Variants in ATP6V0D1 observed in about 807,000 individuals in gnomAD.
The protein encoded by ATP6V0D1 is ATPase H+ transporting V0 subunit d1, also known as V-type proton ATPase subunit d 1.
A neutral mutation model predicts 39.0 loss-of-function variants in ATP6V0D1; 13 were observed. That is an observed-to-expected ratio of 0.33 (90% CI 0.22 to 0.53). ATP6V0D1 has a LOEUF of 0.53. ATP6V0D1 is among the 20% of genes least tolerant of loss of function. The pLI is 0.94. For synonymous variants in ATP6V0D1, 191 were observed against 191.2 expected, an observed-to-expected ratio of 1.00 and a Z score of 0.01; for missense variants, 272 against 470.9, an observed-to-expected ratio of 0.58 and a Z score of 3.91.
rs755890817 is a variant in ATP6V0D1 at position 67,453,660 on chromosome 16, T to C, written c.186A>G (p.Ala62=). The C allele has an allele frequency of 3.7e-6, 6 of 1,614,200 alleles. No individual in the cohort carries two copies. Among genetic ancestry groups the C allele is most frequent in the South Asian group, 1.1e-5 (1 of 91,086 alleles). ...CGATGACTGACACCGTCAGAGGTGA[T>C]GCCTCGTTGGCCAGGAAGTTACCAT... ...TDYGNFLANE[A]SPLTVSVIDD... is the part of the protein sequence containing the mutation. The change falls in exon 2 of 8, where the codon GCA becomes GCG. Residue 62 remains alanine (A), a synonymous_variant. Transcript: ENST00000290949. This position sits in a 1 kb window ranked among gnomAD's most constrained non-coding sequence, Gnocchi z 4.1.
chr16:67,458,060 G>A lies in ATP6V0D1; in HGVS notation c.131-4345C>T, dbSNP rs1030408439. Among the ~76,000 whole-genome samples the A allele has an allele frequency of 2.0e-5, 3 of 152,188 alleles. No individual in the cohort carries two copies. In the South Asian group the frequency reaches 6.2e-4, roughly 32 times the overall value. On this transcript the variant is annotated intron_variant, in intron 1 of 7. Coordinates refer to ENST00000290949, the MANE Select transcript of ATP6V0D1 (RefSeq NM_004691.5). ...GGGACAGCCTGCCAGCCAAGAAGGCGACTTAGAGAAGGAGGCCTGCTGAAC... is the reference window on the plus strand; with the variant it reads ...GGGACAGCCTGCCAGCCAAGAAGGCAACTTAGAGAAGGAGGCCTGCTGAAC...
At chr16:67,472,292 C>G (rs1330302906) in intron 1 of ATP6V0D1, among the ~76,000 whole-genome samples, 1 of 152,212 alleles carries the variant, frequency 6.6e-6, no homozygotes, top group Non-Finnish European at 1.5e-5. Flanking sequence ...GGTCCAGGCT[C>G]TCACAACTCA....
intron 1 of ATP6V0D1, chr16:67,454,578 T>TA (rs2041218669): frequency 6.6e-6 from 1 of 151,834 alleles, no homozygotes; most frequent in Non-Finnish European, 1.5e-5. Context: ...TTTTTTTTTT[T>TA]AGAGATGGCA....
At chr16:67,460,339 G>A (rs1216955088) in intron 1 of ATP6V0D1, among the ~76,000 whole-genome samples, 6 of 152,194 alleles carry the variant, frequency 3.9e-5, no homozygotes, top group Admixed American at 1.3e-4. Context: ...GCCCCTCCTC[G>A]GTGAATGTGC....
At chr16:67,468,644 A>G (rs572628797) in intron 1 of ATP6V0D1, among the ~76,000 whole-genome samples, 6 of 152,208 alleles carry the variant, frequency 3.9e-5, no homozygotes, top group Non-Finnish European at 8.8e-5. Context: ...AAAGGAAGCA[A>G]GCAAGCAGGG....
At chr16:67,458,389 C>A (rs2041260113) in intron 1 of ATP6V0D1, among the ~76,000 whole-genome samples, 1 of 152,228 alleles carries the variant, frequency 6.6e-6, no homozygotes, top group African/African-American at 2.4e-5. Context: ...CTGGCCCAGC[C>A]TCTGAGGGCA....
chr16:67,455,935 T>C (rs2041233066), intron 1 of ATP6V0D1: 1 of 152,154 alleles, frequency 6.6e-6, no homozygotes, highest in Non-Finnish European at 1.5e-5. Context: ...TATTTCTACC[T>C]CTAGAAATGG....
Position 67,439,204 on chromosome 16 carries a change from T to A in ATP6V0D1, c.640-57A>T, listed in dbSNP as rs935798947. 3 of 1,613,528 alleles carry A rather than the reference T, an allele frequency of 1.9e-6. No homozygotes were observed. The Admixed American group carries it at 5.0e-5, about 27-fold the overall frequency. ...GGAGGAAGAAGGAGGCAGTAGCCAG[T>A]CAGTTGGCAGAGCCTCCCCAGGCCA... On this transcript the variant is annotated intron_variant, in intron 5 of 7. Coordinates refer to ENST00000290949, the MANE Select transcript of ATP6V0D1 (RefSeq NM_004691.5).
chr16:67,474,728 T>C (rs1410449443), intron 1 of ATP6V0D1, among the ~76,000 whole-genome samples: 1 of 152,152 alleles, frequency 6.6e-6, no homozygotes, highest in African/African-American at 2.4e-5. Context: ...CACCGCTATC[T>C]CAATTTCCCA....
At chr16:67,441,417 C>T (rs1373093361) in intron 4 of ATP6V0D1, 3 of 152,312 alleles carry the variant, frequency 2.0e-5, no homozygotes, top group African/African-American at 7.2e-5. Flanking sequence ...GAGCTAGTGC[C>T]TGGGCAGCCC....
At chr16:67,480,167 C>G (rs1435837341) in intron 1 of ATP6V0D1, among the ~76,000 whole-genome samples, 1 of 102,652 alleles carries the variant, frequency 9.7e-6, no homozygotes, top group Admixed American at 8.5e-5. Context: ...CCACTGCACT[C>G]CAGCCTGGGC....
intron 5 of ATP6V0D1, 21 bp from the exon 6 acceptor site, chr16:67,439,168 TAAGAAGAGAGGGAGG>T: frequency 6.2e-7 from 1 of 1,613,388 alleles, no homozygotes; most frequent in Non-Finnish European, 8.5e-7. Context: ...AGTGCACAGG[TAAGAAGAGAGGGAGG>T]AAGAAGGAGG....
chr16:67,452,377 T>C, intron 2 of ATP6V0D1: 1 of 1,535,624 alleles, frequency 6.5e-7, no homozygotes, highest in East Asian at 2.4e-5. Context: ...ATGGAGCCCT[T>C]TGGCTGCAGC....
intron 1 of ATP6V0D1, chr16:67,457,422 G>A (rs534890047): frequency 1.7e-5 from 8 of 462,544 alleles, no homozygotes; most frequent in East Asian, 1.4e-4. Flanking sequence ...CCTTGACCCA[G>A]GACAGGCTTT....
Position 67,438,495 on chromosome 16 carries a change from A to C in ATP6V0D1, c.*33T>G. 6.2e-7 allele frequency: 1 copy of C among 1,611,458 alleles called. No individual in the cohort carries two copies. Among genetic ancestry groups the C allele is most frequent in the Non-Finnish European group, 8.5e-7 (1 of 1,178,532 alleles). ...CGCGCACACACACACACACACACAC[A>C]AAGAGTGCAATTGAGAGCCTTGGGC... On this transcript the variant is annotated 3_prime_UTR_variant, in exon 8 of 8. Transcript: ENST00000290949.
chr16:67,465,854 A>G lies in ATP6V0D1; in HGVS notation c.131-12139T>C, dbSNP rs79078668. Among the ~76,000 whole-genome samples, 73 of 152,272 alleles carry G rather than the reference A, an allele frequency of 4.8e-4. No homozygotes were observed. In the East Asian group the frequency reaches 0.014, roughly 29 times the overall value. ...CTTAAGTGAGGGAAGTAGGGCCCAGAGCAGAGACCCAAGGGACAGTGCTGG... is the reference window on the plus strand; with the variant it reads ...CTTAAGTGAGGGAAGTAGGGCCCAGGGCAGAGACCCAAGGGACAGTGCTGG... On this transcript the variant is annotated intron_variant, in intron 1 of 7. Transcript: ENST00000290949.
intron 2 of ATP6V0D1, among the ~76,000 whole-genome samples, chr16:67,450,708 C>T (rs985810813): frequency 3.3e-5 from 5 of 152,072 alleles, no homozygotes; most frequent in African/African-American, 7.2e-5. Context: ...TTAGGTCCCA[C>T]GAGATGTTTT....
At position 67,438,450 on chromosome 16, in the gene ATP6V0D1, TACACACACACGCACACACACGCGC is replaced by T. The variant is rs1567531894; in HGVS notation, c.*54_*77del. The stretch of plus-strand genomic sequence containing the variant: ...AGCCACAGGCTTGTCACAGACCACA[TACACACACACGCACACACACGCGC>T]ACACACACACACACACACACAAAGA... On this transcript the variant is annotated 3_prime_UTR_variant, in exon 8 of 8. Coordinates refer to ENST00000290949, the MANE Select transcript of ATP6V0D1 (RefSeq NM_004691.5). 18 of 1,514,732 alleles carry T rather than the reference TACACACACACGCACACACACGCGC, an allele frequency of 1.2e-5. No individual in the cohort carries two copies. Among genetic ancestry groups the T allele is most frequent in the African/African-American group, 2.8e-5 (2 of 72,174 alleles). 93.8% of individuals were successfully genotyped at this position (1,514,732 alleles called of 1,614,324 possible). A position where few individuals can be genotyped will look rare whatever the true frequency, so the allele number is the denominator to read the frequency against.
intron 2 of ATP6V0D1, chr16:67,446,105 G>A: frequency 2.8e-6 from 1 of 363,060 alleles, no homozygotes; most frequent in Non-Finnish European, 5.6e-6. Context: ...AGGCTGTCCA[G>A]AGAAGACCTT....
Sources: gnomAD v4.1 joint callset for allele counts (sites outside exome capture counted in the v4.1 genomes callset) on GRCh38, gnomAD v4.1.1 for gene constraint, Gnocchi (gnomAD v3.1) non-coding constraint, MANE v1.5 for transcripts, NCBI Gene and HGNC (gene_info 2026-07-23, HGNC 2026-07-21) for gene names.